The following G3BP2 variants were observed in gnomAD, a reference collection of about 807,000 sequenced individuals.
The protein encoded by G3BP2 is G3BP stress granule assembly factor 2, also known as ras GTPase-activating protein-binding protein 2.
In G3BP2, 11 loss-of-function variants were observed where a neutral mutation model predicts 56.7. That is an observed-to-expected ratio of 0.19 (90% CI 0.12 to 0.32). G3BP2 has a LOEUF of 0.32. Among genes scored for constraint, G3BP2 ranks in the 10% least tolerant of loss-of-function variants. The pLI, the probability that G3BP2 is intolerant of heterozygous loss-of-function variation, is 1.00. For missense variants in G3BP2, 340 were observed against 610.9 expected (o/e 0.56, Z 4.67); for synonymous variants, 165 against 191.6 (o/e 0.86, Z 1.15).
At chr4:75,650,426 C>CAAAAAAAAAA (rs1220235661) in intron 8 of G3BP2, among the ~76,000 whole-genome samples, 5 of 76,756 alleles carry the variant, frequency 6.5e-5, no homozygotes, top group African/African-American at 1.8e-4. Flanking sequence ...AACTCCATCT[C>CAAAAAAAAAA]AAAAAAAAAA....
At chr4:75,703,379 A>T (rs947306773) in intron 3 of G3BP2, among the ~76,000 whole-genome samples, 3 of 152,114 alleles carry the variant, frequency 2.0e-5, no homozygotes, top group African/African-American at 7.2e-5. Context: ...ACCTCTCAAA[A>T]GTCCCCCAAT....
chr4:75,709,287 G>T (rs1719664319), intron 3 of G3BP2, among the ~76,000 whole-genome samples: 1 of 151,958 alleles, frequency 6.6e-6, no homozygotes, highest in African/African-American at 2.4e-5. Context: ...AGGTGCGGTG[G>T]TTGGCCCCTG....
intron 2 of G3BP2, among the ~76,000 whole-genome samples, chr4:75,661,316 C>T (rs374388850): frequency 6.6e-6 from 1 of 152,014 alleles, no homozygotes; most frequent in East Asian, 1.9e-4. Flanking sequence ...TTAGCAGAGA[C>T]GAGGCTTCAC....
rs765660827 is a variant in G3BP2 at position 75,645,733 on chromosome 4, G to A, written c.1177-31C>T. On this transcript the variant is annotated intron_variant, in intron 11 of 11. Coordinates refer to ENST00000359707, the MANE Select transcript of G3BP2 (RefSeq NM_203505.3). Reference sequence around the variant, plus strand: ...TAAAAGAGAAGAAAAATATTTACATGGGCAGGTTAGACAGCAATAGAAATG... The same window carrying A: ...TAAAAGAGAAGAAAAATATTTACATAGGCAGGTTAGACAGCAATAGAAATG... 1.5e-5 allele frequency: 24 copies of A among 1,594,926 alleles called. No homozygotes were observed. In the South Asian group the frequency reaches 2.3e-4, roughly 16 times the overall value.
intron 3 of G3BP2, among the ~76,000 whole-genome samples, chr4:75,719,101 C>A: frequency 6.6e-6 from 1 of 152,070 alleles, no homozygotes; most frequent in Non-Finnish European, 1.5e-5. Context: ...GTAATCCCAG[C>A]ACTTTGGGAG....
In G3BP2 at chr4:75,642,834, A is replaced by G. The variant is rs556637358; in HGVS notation, c.*2596T>C. The G allele has an allele frequency of 2.0e-5, 3 of 152,710 alleles. No homozygotes were observed. The East Asian group carries it at 5.8e-4, about 30-fold the overall frequency. The allele number at this position is 152,710 out of a possible 1,614,324, so 9.5% of individuals were successfully genotyped here. A position where few individuals can be genotyped will look rare whatever the true frequency, so the allele number is the denominator to read the frequency against. On this transcript the variant is annotated 3_prime_UTR_variant, in exon 12 of 12. Coordinates refer to ENST00000359707, the MANE Select transcript of G3BP2 (RefSeq NM_203505.3). ...TGTTTGTTTAGTCCAAACACATTCA[A>G]TATGGAAACTCAAAGAATACTTTCC...
chr4:75,661,416 A>C (rs960426159), intron 2 of G3BP2: 1 of 151,460 alleles, frequency 6.6e-6, no homozygotes, highest in African/African-American at 2.4e-5. Context: ...TGAGTGAGAG[A>C]GCCACTGTGT....
intron 4 of G3BP2, 95 bp downstream of exon 4, chr4:75,657,462 C>G: frequency 1.1e-6 from 1 of 871,226 alleles, no homozygotes; most frequent in Non-Finnish European, 1.8e-6. Flanking sequence ...CCAAAAATAA[C>G]AATATGCAAA....
intron 1 of G3BP2, chr4:75,672,866 C>G (rs1286690015): frequency 3.7e-6 from 1 of 270,892 alleles, no homozygotes; most frequent in African/African-American, 2.3e-5. Flanking sequence ...ATTAAGCTTC[C>G]ATCAGCGCGC....
At chr4:75,708,025 G>T (rs1007501875) in intron 3 of G3BP2, among the ~76,000 whole-genome samples, 8 of 152,040 alleles carry the variant, frequency 5.3e-5, no homozygotes, top group Non-Finnish European at 8.8e-5. Context: ...TATGTGCATC[G>T]ACAAAGTGTT....
At chr4:75,717,047 C>T (rs191013591) in intron 3 of G3BP2, among the ~76,000 whole-genome samples, 1 of 152,304 alleles carries the variant, frequency 6.6e-6, no homozygotes, top group East Asian at 1.9e-4. Context: ...AGTTCTGGAC[C>T]CTCCACATAA....
chr4:75,707,979 C>T (rs1444798745), intron 3 of G3BP2, among the ~76,000 whole-genome samples: 1 of 152,022 alleles, frequency 6.6e-6, no homozygotes, highest in Non-Finnish European at 1.5e-5. Context: ...TAGTAAATTC[C>T]ATGTATATGT....
chr4:75,668,701 G>A (rs1284658472), intron 1 of G3BP2, among the ~76,000 whole-genome samples: 1 of 152,104 alleles, frequency 6.6e-6, no homozygotes, highest in Non-Finnish European at 1.5e-5. Context: ...CAGGACTTTT[G>A]ACTTCTCCTC....
chr4:75,712,893 A>G (rs1001977681), intron 3 of G3BP2, among the ~76,000 whole-genome samples: 1 of 152,176 alleles, frequency 6.6e-6, no homozygotes, highest in Non-Finnish European at 1.5e-5. Flanking sequence ...CAAAAGATTT[A>G]AGAGAATATA....
At chr4:75,697,157 C>T (rs183957232) in intron 3 of G3BP2, among the ~76,000 whole-genome samples, 326 of 151,542 alleles carry the variant, frequency 2.2e-3, no homozygotes, top group African/African-American at 7.5e-3. Flanking sequence ...GCCTGTAGTC[C>T]CAGCTACTCA....
At chr4:75,674,808 C>T (rs1023422481), upstream of G3BP2, among the ~76,000 whole-genome samples, 2 of 149,006 alleles carry the variant, frequency 1.3e-5, no homozygotes, top group Admixed American at 6.7e-5. Context: ...CTGCAACCTC[C>T]GCCTCCCGGG....
At position 75,665,642 on chromosome 4, in the gene G3BP2, CAAACACACAAACAA is replaced by C. The variant is rs769485938; in HGVS notation, c.-24-3607_-24-3594del. On this transcript the variant is annotated intron_variant, in intron 1 of 11. Transcript: ENST00000359707. ...AAACACACAAACACACACACACACA[CAAACACACAAACAA>C]ACACACACACACACACACACACACA... 4.6e-4 allele frequency among the ~76,000 whole-genome samples: 12 copies of C among 26,076 alleles called. No homozygotes were observed. The East Asian group carries it at 0.017, about 36-fold the overall frequency. The allele number at this position is 26,076 out of a possible 152,430, so 17.1% of individuals were successfully genotyped here.
intron 5 of G3BP2, among the ~76,000 whole-genome samples, chr4:75,656,585 A>T (rs576151152): frequency 3.3e-5 from 5 of 151,844 alleles, no homozygotes; most frequent in African/African-American, 1.2e-4. Context: ...TTATTACATT[A>T]AAAAAAAGGA....
At chr4:75,691,693 G>A (rs1018115249) in intron 3 of G3BP2, among the ~76,000 whole-genome samples, 2 of 152,184 alleles carry the variant, frequency 1.3e-5, no homozygotes, top group African/African-American at 2.4e-5. Context: ...TTGGTTGCAC[G>A]TTGAAATCAC....
Sources: allele counts gnomAD v4.1 joint callset (sites outside exome capture counted in the v4.1 genomes callset), GRCh38; gene constraint gnomAD v4.1.1; transcripts MANE v1.5; gene names NCBI Gene and HGNC (gene_info 2026-07-23, HGNC 2026-07-21).